Variants in SORCS2 observed in about 807,000 individuals in gnomAD.
SORCS2 encodes VPS10 domain-containing receptor SorCS2.
Under a neutral mutation model 141.6 loss-of-function variants are expected in SORCS2, and 100 were observed. The ratio of observed to expected loss-of-function variants is 0.71; its 90% confidence interval spans 0.60 to 0.83. The LOEUF (loss-of-function observed/expected upper bound fraction) is 0.83, where lower values mean the gene tolerates loss of function less well. Ranked by LOEUF, SORCS2 falls within the 40% of genes least tolerant of loss-of-function variation. The pLI is 0.00. For synonymous variants in SORCS2, 789 were observed against 676.9 expected (o/e 1.17, Z -2.57); for missense variants, 1,646 against 1,560.2 (o/e 1.05, Z -0.93).
At chr4:7,489,684 A>T (rs1731199442) in intron 2 of SORCS2, among the ~76,000 whole-genome samples, 1 of 152,192 alleles carries the variant, frequency 6.6e-6, no homozygotes, top group South Asian at 2.1e-4. Context: ...TAATTTGTGA[A>T]TCAAAATAAT....
rs770913309 is a variant in SORCS2, at chr4:7,703,294, G to A, written c.1683G>A (p.Glu561=). Residue 561 remains glutamate, a synonymous_variant, in exon 13 of 27, where the codon GAG becomes GAA. Coordinates refer to ENST00000507866, the MANE Select transcript of SORCS2 (RefSeq NM_020777.3). The part of the protein sequence containing the change: ...GHTWRQVFEE[E]HHILYLDHGG... ...CTCCTCTGCAGGTGTTTGAGGAAGA[G>A]CATCACATCCTGTACCTGGACCACG... 11 of 1,612,370 alleles carry A rather than the reference G, an allele frequency of 6.8e-6. No individual in the cohort carries two copies. Among genetic ancestry groups the A allele is most frequent in the Non-Finnish European group, 9.3e-6 (11 of 1,179,280 alleles).
At position 7,624,252 on chromosome 4, in the gene SORCS2, C is replaced by A. The variant is rs10937844; in HGVS notation, c.649-14076C>A. ...ACAGAAGTGTAGCTTCCCCACCCAA[C>A]TCTGAGGAGCTTACATTCACGGGCC... On this transcript the variant is annotated intron_variant, in intron 3 of 26. Coordinates refer to ENST00000507866, the MANE Select transcript of SORCS2 (RefSeq NM_020777.3). Among the ~76,000 whole-genome samples, 3 of 152,076 alleles carry A rather than the reference C, an allele frequency of 2.0e-5. No individual in the cohort carries two copies. In the East Asian group the frequency reaches 5.8e-4, roughly 29 times the overall value.
chr4:7,369,090 T>G (rs1247822779), intron 1 of SORCS2, among the ~76,000 whole-genome samples: 1 of 152,100 alleles, frequency 6.6e-6, no homozygotes, highest in Admixed American at 6.5e-5. Context: ...GTGGATCACT[T>G]GAGGTCAGGA....
chr4:7,445,049 C>T (rs1301565458), intron 2 of SORCS2, among the ~76,000 whole-genome samples: 2 of 152,122 alleles, frequency 1.3e-5, no homozygotes, highest in African/African-American at 4.8e-5. Flanking sequence ...TAGGACTGGA[C>T]CATTGCTGCG....
intron 1 of SORCS2, among the ~76,000 whole-genome samples, chr4:7,271,180 C>G (rs977710626): frequency 6.6e-6 from 1 of 152,332 alleles, no homozygotes; most frequent in African/African-American, 2.4e-5. Context: ...TGCCCAGCAG[C>G]AGCCAGAAGG....
chr4:7,632,372 T>G (rs1719948790), intron 3 of SORCS2, among the ~76,000 whole-genome samples: 1 of 152,118 alleles, frequency 6.6e-6, no homozygotes, highest in African/African-American at 2.4e-5. Context: ...AATACACCAT[T>G]TAAAATAGAG....
chr4:7,623,967 G>C (rs1171331190), intron 3 of SORCS2, among the ~76,000 whole-genome samples: 1 of 152,142 alleles, frequency 6.6e-6, no homozygotes, highest in African/African-American at 2.4e-5. Context: ...AAGCCACTGG[G>C]TGGTGACTGC....
chr4:7,470,804 C>A (rs111556849), intron 2 of SORCS2, among the ~76,000 whole-genome samples: 706 of 152,364 alleles, frequency 4.6e-3, no homozygotes, highest in Non-Finnish European at 8.2e-3. Context: ...ACGCTCTGAC[C>A]ACCCCACTGC....
intron 4 of SORCS2, among the ~76,000 whole-genome samples, chr4:7,640,343 AGT>A (rs1226352964): frequency 7.2e-6 from 1 of 138,526 alleles, no homozygotes; most frequent in Non-Finnish European, 1.5e-5. Context: ...GGTGTGTGAG[AGT>A]GTGAGAGCCT....
intron 3 of SORCS2, among the ~76,000 whole-genome samples, chr4:7,637,639 G>A (rs1190624129): frequency 6.6e-6 from 1 of 152,186 alleles, no homozygotes; most frequent in South Asian, 2.1e-4. Flanking sequence ...TTGGGAGGAA[G>A]CTGCCATTTC....
Position 7,379,978 on chromosome 4 carries a change from G to A in SORCS2, c.481-16310G>A, listed in dbSNP as rs147794826. On this transcript the variant is annotated intron_variant, in intron 1 of 26. Coordinates refer to ENST00000507866, the MANE Select transcript of SORCS2 (RefSeq NM_020777.3). ...CCTGGCTCCCCATCCCCAGTCTGCC[G>A]GTTCCGTTCTGCTTTCCTGATGCCC... 3.2e-3 allele frequency among the ~76,000 whole-genome samples: 484 copies of A among 152,296 alleles called. 5 individuals are homozygous for A. The highest frequency in any genetic ancestry group is 0.011 in the African/African-American group (443 of 41,556).
chr4:7,682,531 A>G (rs1455192090), intron 9 of SORCS2, among the ~76,000 whole-genome samples: 1 of 152,196 alleles, frequency 6.6e-6, no homozygotes, highest in African/African-American at 2.4e-5. Flanking sequence ...AGACAGAACT[A>G]GCTTCCCACT....
At chr4:7,393,964 C>G (rs1196460430) in intron 1 of SORCS2, among the ~76,000 whole-genome samples, 1 of 152,134 alleles carries the variant, frequency 6.6e-6, no homozygotes, top group Admixed American at 6.5e-5. Flanking sequence ...TCCTTGATGA[C>G]TGCCGAGTCA....
intron 1 of SORCS2, among the ~76,000 whole-genome samples, chr4:7,393,918 G>T (rs117797752): frequency 0.034 from 5,220 of 152,180 alleles, 147 homozygotes; most frequent in Admixed American, 0.046. Flanking sequence ...TCACTTCAGG[G>T]TCCTTCTCCT....
intron 2 of SORCS2, among the ~76,000 whole-genome samples, chr4:7,458,308 A>T (rs1477074477): frequency 6.6e-6 from 1 of 152,106 alleles, no homozygotes; most frequent in Non-Finnish European, 1.5e-5. Context: ...CTAGGGAGAC[A>T]CTGAGGGTTG....
intron 1 of SORCS2, among the ~76,000 whole-genome samples, chr4:7,378,982 T>G (rs1722825415): frequency 6.6e-6 from 1 of 152,344 alleles, no homozygotes; most frequent in South Asian, 2.1e-4. Flanking sequence ...TCTCCCTAGA[T>G]GCACCTTCAT....
At chr4:7,224,769 C>G (rs999442681) in intron 1 of SORCS2, among the ~76,000 whole-genome samples, 3 of 152,034 alleles carry the variant, frequency 2.0e-5, no homozygotes, top group Admixed American at 6.5e-5. Context: ...TCAGGGGCCC[C>G]TGTGGACCTC....
intron 1 of SORCS2, among the ~76,000 whole-genome samples, chr4:7,221,622 G>A (rs1348520215): frequency 2.6e-5 from 4 of 152,224 alleles, no homozygotes; most frequent in Admixed American, 6.5e-5. Context: ...CTTTGGGCCC[G>A]TGAGGGCACC....
intron 2 of SORCS2, among the ~76,000 whole-genome samples, chr4:7,450,936 G>C (rs563010390): frequency 1.3e-5 from 2 of 151,970 alleles, no homozygotes; most frequent in African/African-American, 4.8e-5. Flanking sequence ...GAGGGAATGA[G>C]TGAGTAAATG....
Sources: allele counts gnomAD v4.1 joint callset (sites outside exome capture counted in the v4.1 genomes callset), GRCh38; gene constraint gnomAD v4.1.1; transcripts MANE v1.5; gene names NCBI Gene and HGNC (gene_info 2026-07-23, HGNC 2026-07-21).